The following PTPRK variants were observed in gnomAD, a reference collection of about 807,000 sequenced individuals.
The protein encoded by PTPRK is protein tyrosine phosphatase receptor type K.
A neutral mutation model predicts 178.0 loss-of-function variants in PTPRK; 75 were observed. That is an observed-to-expected ratio of 0.42 (90% confidence interval 0.35 to 0.51). The LOEUF is 0.51. PTPRK is among the 20% of genes least tolerant of loss of function. The pLI, the probability that PTPRK is intolerant of heterozygous loss-of-function variation, is 0.02. For missense variants in PTPRK, 1,441 were observed against 1,797.8 expected, an observed-to-expected ratio of 0.80 and a Z score of 3.59; for synonymous variants, 637 against 620.6, an observed-to-expected ratio of 1.03 and a Z score of -0.39.
At chr6:128,411,885 T>A (rs1405876253) in intron 1 of PTPRK, among the ~76,000 whole-genome samples, 1 of 152,220 alleles carries the variant, frequency 6.6e-6, no homozygotes, top group Admixed American at 6.5e-5. Context: ...TTCTTATAAT[T>A]TATTGATGAT....
At chr6:128,058,118 T>C (rs1443513808) in intron 13 of PTPRK, among the ~76,000 whole-genome samples, 1 of 152,216 alleles carries the variant, frequency 6.6e-6, no homozygotes, top group African/African-American at 2.4e-5. Flanking sequence ...TAAACAGTGC[T>C]GCTATAAATT....
At chr6:128,266,615 A>G (rs1331971964) in intron 3 of PTPRK, among the ~76,000 whole-genome samples, 1 of 152,110 alleles carries the variant, frequency 6.6e-6, no homozygotes, top group East Asian at 1.9e-4. Context: ...TTCCTAGAAT[A>G]GAATCACGAG....
In PTPRK at chr6:128,506,043, G is replaced by A. The variant is rs543745685; in HGVS notation, c.100+14216C>T. 2.0e-3 allele frequency among the ~76,000 whole-genome samples: 271 copies of A among 132,246 alleles called. 4 individuals are homozygous for A. The highest frequency in any genetic ancestry group is 0.014 in the Middle Eastern group (4 of 278). 86.8% of individuals were successfully genotyped at this position (132,246 alleles called of 152,430 possible). On this transcript the variant is annotated intron_variant, in intron 1 of 29. Transcript: ENST00000368226. Reference sequence around the variant, plus strand: ...AATGTTATATAGAATTCATAAACACGTTCTAAAAGCCAGTGCATTTGTTTA... The same window carrying A: ...AATGTTATATAGAATTCATAAACACATTCTAAAAGCCAGTGCATTTGTTTA...
chr6:128,149,373 C>G (rs938977250), intron 7 of PTPRK, among the ~76,000 whole-genome samples: 6 of 152,042 alleles, frequency 3.9e-5, no homozygotes, highest in African/African-American at 1.4e-4. Flanking sequence ...AATTCTAAAA[C>G]AGAATAAATA....
intron 6 of PTPRK, among the ~76,000 whole-genome samples, chr6:128,193,060 T>C (rs565371887): frequency 1.3e-5 from 2 of 152,064 alleles, no homozygotes; most frequent in African/African-American, 4.8e-5. Context: ...CTTTATTTAT[T>C]TACTTATTTA....
At position 128,005,174 on chromosome 6, in the gene PTPRK, T is replaced by C; in HGVS notation, c.2404A>G (p.Met802Val). ...CTCTGATCAGCATAACTTCGATCCA[T>C]TGCATTCACCATGTGAGTCATCTCC... Reference protein sequence around the residue: ...RQEMTHMVNAMDRSYADQSTL... With the variant: ...RQEMTHMVNAVDRSYADQSTL... Residue 802 changes from methionine to valine, a missense_variant, in exon 15 of 30, where the codon ATG (methionine) becomes GTG (valine). Around this residue, in one of 4 missense-constraint regions of PTPRK, gnomAD observed 945 missense variants for 1,080.6 expected, o/e 0.87. Coordinates refer to ENST00000368226, the MANE Select transcript of PTPRK (RefSeq NM_002844.4). 6.2e-7 allele frequency: 1 copy of C among 1,611,796 alleles called. No homozygotes were observed. Among genetic ancestry groups the C allele is most frequent in the Non-Finnish European group, 8.5e-7 (1 of 1,178,634 alleles).
At chr6:128,101,336 C>G (rs1270250659) in intron 7 of PTPRK, among the ~76,000 whole-genome samples, 1 of 152,104 alleles carries the variant, frequency 6.6e-6, no homozygotes, top group African/African-American at 2.4e-5. Flanking sequence ...GATTCATCAT[C>G]ATTTTCCACA....
At chr6:128,333,488 A>G in intron 2 of PTPRK, among the ~76,000 whole-genome samples, 1 of 152,130 alleles carries the variant, frequency 6.6e-6, no homozygotes, top group East Asian at 1.9e-4. Context: ...CATGTCTAAA[A>G]AAAAGGTATA....
chr6:128,403,834 G>A (rs370730796), intron 1 of PTPRK, among the ~76,000 whole-genome samples: 5 of 152,218 alleles, frequency 3.3e-5, no homozygotes, highest in South Asian at 2.1e-4. Flanking sequence ...TTCCTTTAGC[G>A]TAGGAGTCAG....
intron 13 of PTPRK, among the ~76,000 whole-genome samples, chr6:128,059,490 TG>T (rs1369338164): frequency 6.6e-6 from 1 of 152,190 alleles, no homozygotes; most frequent in African/African-American, 2.4e-5. Flanking sequence ...TTGAATTTTT[TG>T]CTGAAATGGA....
intron 3 of PTPRK, among the ~76,000 whole-genome samples, chr6:128,247,960 CA>C (rs1221037700): frequency 6.6e-6 from 1 of 152,104 alleles, no homozygotes; most frequent in Non-Finnish European, 1.5e-5. Context: ...AATATTTAAA[CA>C]TTAAATTTTG....
At chr6:128,414,960 T>C (rs1842682127) in intron 1 of PTPRK, among the ~76,000 whole-genome samples, 1 of 152,210 alleles carries the variant, frequency 6.6e-6, no homozygotes, top group South Asian at 2.1e-4. Flanking sequence ...AGAAAACTGC[T>C]TTAAAGAACA....
At chr6:128,291,967 G>C (rs189030104) in intron 3 of PTPRK, among the ~76,000 whole-genome samples, 5 of 152,176 alleles carry the variant, frequency 3.3e-5, no homozygotes, top group African/African-American at 1.2e-4. Flanking sequence ...TACAGTTTTA[G>C]AAGTTCACGC....
At chr6:127,990,974 C>A in intron 20 of PTPRK, 89 bp from the exon 21 acceptor site, 3 of 763,998 alleles carry the variant, frequency 3.9e-6, no homozygotes, top group Non-Finnish European at 6.5e-6. Flanking sequence ...CTCCTTGTCA[C>A]AATTAAAACT....
chr6:128,012,860 T>C (rs1352170238), intron 13 of PTPRK, among the ~76,000 whole-genome samples: 1 of 151,384 alleles, frequency 6.6e-6, no homozygotes, highest in Admixed American at 6.6e-5. Context: ...TCTTATGGTG[T>C]CTTCAGAGAC....
intron 3 of PTPRK, among the ~76,000 whole-genome samples, chr6:128,247,255 T>C (rs994605322): frequency 1.3e-5 from 2 of 152,154 alleles, no homozygotes; most frequent in African/African-American, 4.8e-5. Context: ...CCCTTAATAT[T>C]CTTTCAATAT....
At chr6:128,093,222 T>C (rs983506228) in intron 7 of PTPRK, among the ~76,000 whole-genome samples, 1 of 152,096 alleles carries the variant, frequency 6.6e-6, no homozygotes, top group Non-Finnish European at 1.5e-5. Flanking sequence ...ATTTCTTTTT[T>C]TGTTGTTTTT....
intron 3 of PTPRK, among the ~76,000 whole-genome samples, chr6:128,244,099 T>G (rs1197180422): frequency 6.6e-6 from 1 of 152,172 alleles, no homozygotes; most frequent in African/African-American, 2.4e-5. Context: ...TGAATGATGC[T>G]GTCAGGATTC....
At chr6:128,140,967 G>A (rs2114509377) in intron 7 of PTPRK, among the ~76,000 whole-genome samples, 1 of 151,986 alleles carries the variant, frequency 6.6e-6, no homozygotes, top group South Asian at 2.1e-4. Context: ...TTATTTCTAT[G>A]GCTTCAAGAC....
Sources: gnomAD v4.1 joint callset for allele counts (sites outside exome capture counted in the v4.1 genomes callset) on GRCh38, gnomAD v4.1.1 for gene constraint, gnomAD v4.1.1 regional missense constraint, MANE v1.5 for transcripts, NCBI Gene and HGNC (gene_info 2026-07-23, HGNC 2026-07-21) for gene names.